The following CSMD1 variants were observed in gnomAD, a reference collection of about 807,000 sequenced individuals.
The protein encoded by CSMD1 is CUB and Sushi multiple domains 1, also known as CUB and sushi domain-containing protein 1.
CSMD1 carries 213 observed loss-of-function variants against 417.5 expected under a neutral mutation model. That is an observed-to-expected ratio of 0.51 (90% CI 0.46 to 0.57). The LOEUF (loss-of-function observed/expected upper bound fraction) is 0.57, where lower values mean the gene tolerates loss of function less well. Ranked by LOEUF, CSMD1 falls within the 20% of genes least tolerant of loss-of-function variation. The pLI, the probability that CSMD1 is intolerant of heterozygous loss-of-function variation, is 0.00. For missense variants in CSMD1, 6,923 were observed against 4,529.7 expected (o/e 1.53, Z -15.17); for synonymous variants, 2,862 against 1,736.8 (o/e 1.65, Z -16.11).
chr8:4,601,856 G>C (rs568086002), intron 2 of CSMD1, among the ~76,000 whole-genome samples: 34 of 152,288 alleles, frequency 2.2e-4, no homozygotes, highest in Admixed American at 3.9e-4. Flanking sequence ...CCTGGGTTCT[G>C]AGTCAGAAGC....
chr8:3,817,404 C>T (rs1801446908), intron 5 of CSMD1, among the ~76,000 whole-genome samples: 1 of 151,516 alleles, frequency 6.6e-6, no homozygotes, highest in African/African-American at 2.4e-5. Flanking sequence ...CCTCAACCTC[C>T]CAAGTAGCTG....
chr8:3,526,093 C>T (rs958637774), intron 10 of CSMD1, among the ~76,000 whole-genome samples: 3 of 152,080 alleles, frequency 2.0e-5, no homozygotes, highest in African/African-American at 7.2e-5. Context: ...GCTGAATTGT[C>T]AATTCAGCTT....
chr8:4,293,464 T>C (rs1307261165), intron 3 of CSMD1, among the ~76,000 whole-genome samples: 1 of 152,182 alleles, frequency 6.6e-6, no homozygotes, highest in African/African-American at 2.4e-5. Context: ...TATGTGAAAA[T>C]TATTATTTAT....
chr8:3,458,170 G>C (rs1440760718), intron 12 of CSMD1, among the ~76,000 whole-genome samples: 3 of 152,096 alleles, frequency 2.0e-5, no homozygotes, highest in East Asian at 1.9e-4. Flanking sequence ...TAATCTGTGA[G>C]GATACATGTT....
intron 27 of CSMD1, among the ~76,000 whole-genome samples, chr8:3,229,018 G>A (rs977199284): frequency 6.6e-6 from 1 of 152,036 alleles, no homozygotes; most frequent in African/African-American, 2.4e-5. Flanking sequence ...AGGCTGATAA[G>A]GACAGCTATC....
At position 4,141,139 on chromosome 8, in the gene CSMD1, C is replaced by T. The variant is rs975040057; in HGVS notation, c.416-109040G>A. Among the ~76,000 whole-genome samples the T allele has an allele frequency of 2.6e-5, 4 of 151,272 alleles. 1 individual carries two copies. Among genetic ancestry groups the T allele is most frequent in the African/African-American group, 9.9e-5 (4 of 40,590 alleles). On this transcript the variant is annotated intron_variant, in intron 3 of 69. Transcript: ENST00000635120. The stretch of plus-strand genomic sequence containing the variant: ...CTTACCTATGTTTCCTCCAAGAGAG[C>T]TCCAATAAGTAACAGAACGTGTCTC...
At chr8:4,190,948 G>A (rs1214855893) in intron 3 of CSMD1, among the ~76,000 whole-genome samples, 1 of 150,558 alleles carries the variant, frequency 6.6e-6, no homozygotes, top group Non-Finnish European at 1.5e-5. Context: ...CGGCTCAGTG[G>A]AGAGTGGGGG....
chr8:3,433,669 C>A (rs886723989), intron 12 of CSMD1, among the ~76,000 whole-genome samples: 5 of 152,176 alleles, frequency 3.3e-5, no homozygotes, highest in African/African-American at 1.2e-4. Flanking sequence ...TGGTGAGATG[C>A]TTCTCTCTTA....
intron 5 of CSMD1, among the ~76,000 whole-genome samples, chr8:3,758,808 A>T (rs577717811): frequency 4.1e-4 from 63 of 152,278 alleles, no homozygotes; most frequent in African/African-American, 1.4e-3. Context: ...TTTGCAGAAC[A>T]ATGCGCTTAC....
At chr8:4,616,744 C>T (rs1393809485) in intron 2 of CSMD1, among the ~76,000 whole-genome samples, 1 of 152,102 alleles carries the variant, frequency 6.6e-6, no homozygotes, top group Non-Finnish European at 1.5e-5. Flanking sequence ...TGTATGTTTT[C>T]CAGGGATATT....
At chr8:3,370,604 G>C (rs1014388118) in intron 18 of CSMD1, among the ~76,000 whole-genome samples, 2 of 152,214 alleles carry the variant, frequency 1.3e-5, no homozygotes, top group Non-Finnish European at 2.9e-5. Context: ...ATTTGAGTCA[G>C]TGGACTGAGT....
Position 3,244,966 on chromosome 8 carries a change from G to A in CSMD1, c.4154-14735C>T, listed in dbSNP as rs149556783. ...CATGTGATCCTGAAGTTATTTTTTG[G>A]CTATTTCCAAGAAGAACTGTGATTC... On this transcript the variant is annotated intron_variant, in intron 26 of 69. Transcript: ENST00000635120. Among the ~76,000 whole-genome samples, 985 of 152,202 alleles carry A rather than the reference G, an allele frequency of 6.5e-3. 9 individuals carry two copies. Among genetic ancestry groups the A allele is most frequent in the African/African-American group, 0.022 (914 of 41,534 alleles).
chr8:4,648,646 T>C (rs954079728), intron 1 of CSMD1, among the ~76,000 whole-genome samples: 7 of 152,230 alleles, frequency 4.6e-5, no homozygotes, highest in African/African-American at 1.7e-4. Context: ...TTTACGTTGC[T>C]CATTTCACAG....
chr8:3,028,806 G>C (rs185654340), intron 51 of CSMD1, among the ~76,000 whole-genome samples: 2 of 152,150 alleles, frequency 1.3e-5, no homozygotes, highest in Non-Finnish European at 2.9e-5. Flanking sequence ...CTGATTCAGA[G>C]TGCTCTGAAC....
At chr8:3,301,405 G>A (rs1023727558) in intron 25 of CSMD1, among the ~76,000 whole-genome samples, 10 of 152,118 alleles carry the variant, frequency 6.6e-5, no homozygotes, top group African/African-American at 2.4e-4. Context: ...TGCCCTGGAG[G>A]TCTTGACATG....
intron 10 of CSMD1, among the ~76,000 whole-genome samples, chr8:3,570,404 G>C (rs1222526282): frequency 6.6e-6 from 1 of 151,576 alleles, no homozygotes; most frequent in African/African-American, 2.4e-5. Context: ...GACGCAATGG[G>C]ATATGAAGGA....
At chr8:3,996,846 T>G (rs890525442) in intron 5 of CSMD1, among the ~76,000 whole-genome samples, 1 of 152,232 alleles carries the variant, frequency 6.6e-6, no homozygotes, top group Non-Finnish European at 1.5e-5. Flanking sequence ...GCCTTGTGAT[T>G]TGGAAAACAA....
chr8:3,355,484 C>T (rs548139769), intron 21 of CSMD1, among the ~76,000 whole-genome samples: 72 of 152,308 alleles, frequency 4.7e-4, no homozygotes, highest in African/African-American at 1.6e-3. Flanking sequence ...CCAATCACGA[C>T]TGCCCTGGCC....
At chr8:3,246,327 C>G (rs1425561161) in intron 26 of CSMD1, among the ~76,000 whole-genome samples, 1 of 152,098 alleles carries the variant, frequency 6.6e-6, no homozygotes, top group Non-Finnish European at 1.5e-5. Context: ...CTGAAATGCT[C>G]CTTTATCTGG....
Sources: gnomAD v4.1 joint callset for allele counts (sites outside exome capture counted in the v4.1 genomes callset) on GRCh38, gnomAD v4.1.1 for gene constraint, MANE v1.5 for transcripts, NCBI Gene and HGNC (gene_info 2026-07-23, HGNC 2026-07-21) for gene names.